The following FAT4 variants were observed in gnomAD, a reference collection of about 807,000 sequenced individuals.
FAT4 encodes FAT atypical cadherin 4.
A neutral mutation model predicts 303.9 loss-of-function variants in FAT4; 84 were observed. The observed-to-expected ratio is 0.28, with a 90% CI of 0.23 to 0.33. The LOEUF is 0.33. FAT4 is among the 10% of genes least tolerant of loss of function. FAT4 has a pLI of 1.00. For missense variants in FAT4, 6,005 were observed against 6,146.8 expected, an observed-to-expected ratio of 0.98 and a Z score of 0.77; for synonymous variants, 2,307 against 2,298.8, an observed-to-expected ratio of 1.00 and a Z score of -0.10.
Position 125,320,884 on chromosome 4 carries a change from C to T in FAT4, c.4473C>T (p.Leu1491=), listed in dbSNP as rs2125945130. 6.2e-7 allele frequency: 1 copy of T among 1,614,190 alleles called. No homozygotes were observed. The highest frequency in any genetic ancestry group is 8.5e-7 in the Non-Finnish European group (1 of 1,180,012). Reference sequence around the variant, plus strand: ...AAATAGATCGGGAATTTGCTAATCTCTTTGAGTTGACTGTAAAAGCCAATG... The same window carrying T: ...AAATAGATCGGGAATTTGCTAATCTTTTTGAGTTGACTGTAAAAGCCAATG... ...NAEIDREFAN[L]FELTVKANDQ... is the part of the protein sequence containing the mutation. Residue 1491 remains leucine (L), a synonymous_variant, in exon 2 of 18, where the codon CTC becomes CTT. Transcript: ENST00000394329.
chr4:125,356,390 A>G (rs1732423745), intron 2 of FAT4, among the ~76,000 whole-genome samples: 2 of 152,026 alleles, frequency 1.3e-5, no homozygotes, highest in South Asian at 2.1e-4. Flanking sequence ...ATGCAGATAT[A>G]TGAACTAATA....
intron 2 of FAT4, among the ~76,000 whole-genome samples, chr4:125,330,499 A>G (rs1414155665): frequency 6.6e-6 from 1 of 152,198 alleles, no homozygotes; most frequent in Non-Finnish European, 1.5e-5. Flanking sequence ...TATGAACACT[A>G]TATATGTATA....
At position 125,490,078 on chromosome 4, in the gene FAT4, G is replaced by C; in HGVS notation, c.13262G>C (p.Trp4421Ser). 6.2e-7 allele frequency: 1 copy of C among 1,614,002 alleles called. No homozygotes were observed. Among genetic ancestry groups the C allele is most frequent in the Non-Finnish European group, 8.5e-7 (1 of 1,180,002 alleles). Residue 4421 changes from tryptophan (W) to serine (S), a missense_variant, in exon 18 of 18, where the codon TGG becomes TCG. By Grantham distance (177) the Trp-to-Ser change is radical. Transcript: ENST00000394329. ...GGTGATTTGCTGTGCATTAATCAGT[G>C]GTATGCCTACAGGTGTGTCCCTCCT... The part of the protein sequence containing the change: ...CWGDLLCINQ[W>S]YAYRCVPPGD...
At chr4:125,345,109 A>G (rs1327523350) in intron 2 of FAT4, among the ~76,000 whole-genome samples, 1 of 152,060 alleles carries the variant, frequency 6.6e-6, no homozygotes, top group Non-Finnish European at 1.5e-5. Flanking sequence ...TTAAATTCCC[A>G]CAGTAGCTGC....
In FAT4 at chr4:125,408,769, G is replaced by T; in HGVS notation, c.5895G>T (p.Val1965=). Residue 1965 remains valine (V), a synonymous_variant, in exon 5 of 18, where the codon GTG becomes GTT. Coordinates refer to ENST00000394329, the MANE Select transcript of FAT4 (RefSeq NM_001291303.3). ...ENLPVGSTVL[V]FNVTDADDGI... ...TACCTGTGGGATCTACTGTTCTTGT[G>T]TTTAATGTTACTGATGCAGATGATG... 1 of 1,558,478 alleles carries T rather than the reference G, an allele frequency of 6.4e-7. No homozygotes were observed. Among genetic ancestry groups the T allele is most frequent in the African/African-American group, 1.4e-5 (1 of 72,830 alleles).
chr4:125,348,819 AATT>A (rs1732105346), intron 2 of FAT4, among the ~76,000 whole-genome samples: 1 of 151,760 alleles, frequency 6.6e-6, no homozygotes, highest in South Asian at 2.1e-4. Flanking sequence ...AATTTAGGAT[AATT>A]TATATTTTAG....
intron 8 of FAT4, chr4:125,446,060 T>C (rs1196415359): frequency 8.0e-6 from 3 of 375,512 alleles, no homozygotes; most frequent in African/African-American, 2.1e-5. Context: ...CTAAAAACCT[T>C]GTGAAGACTT....
chr4:125,481,285 G>A (rs1413181724), intron 15 of FAT4, among the ~76,000 whole-genome samples: 1 of 152,080 alleles, frequency 6.6e-6, no homozygotes, highest in Non-Finnish European at 1.5e-5. Flanking sequence ...TTCCCAAATG[G>A]TTAATGACTG....
intron 17 of FAT4, among the ~76,000 whole-genome samples, chr4:125,489,545 A>G (rs948357038): frequency 6.6e-6 from 1 of 152,168 alleles, no homozygotes; most frequent in African/African-American, 2.4e-5. Context: ...TTTTATTTGT[A>G]TGTATGCAAT....
At chr4:125,475,518 T>C (rs1167275155) in intron 12 of FAT4, among the ~76,000 whole-genome samples, 1 of 152,100 alleles carries the variant, frequency 6.6e-6, no homozygotes, top group Non-Finnish European at 1.5e-5. Flanking sequence ...TTAAATACTA[T>C]TGGGGATTTT....
At chr4:125,397,014 T>C (rs982330283) in intron 2 of FAT4, among the ~76,000 whole-genome samples, 56 of 150,406 alleles carry the variant, frequency 3.7e-4, no homozygotes, top group African/African-American at 1.2e-3. Flanking sequence ...ACATGAAAAC[T>C]CAGTGTACAT....
intron 3 of FAT4, among the ~76,000 whole-genome samples, chr4:125,402,795 T>C (rs909416257): frequency 3.3e-5 from 5 of 152,058 alleles, no homozygotes; most frequent in Admixed American, 2.0e-4. Context: ...ACCTTCTTCC[T>C]AATATTCTCA....
chr4:125,407,950 T>C (rs1015460982), intron 4 of FAT4, among the ~76,000 whole-genome samples: 2 of 152,122 alleles, frequency 1.3e-5, no homozygotes, highest in African/African-American at 2.4e-5. Flanking sequence ...TACCTGAAGT[T>C]TTTTCTTCAC....
Position 125,449,142 on chromosome 4 carries a change from A to C in FAT4, c.8132A>C (p.Asn2711Thr). 6.2e-7 allele frequency: 1 copy of C among 1,614,018 alleles called. No individual in the cohort carries two copies. The highest frequency in any genetic ancestry group is 1.1e-5 in the South Asian group (1 of 91,086). ...PNGQLDYEIV[N>T]GNMENSFSIN... ...GGACAGTTAGATTATGAAATTGTTA[A>C]TGGCAACATGGAAAATAGTTTCAGT... The change falls in exon 10 of 18, where the codon AAT becomes ACT. Residue 2711 changes from asparagine to threonine, a missense_variant. Physicochemically the swap from Asn to Thr is moderately conservative, Grantham distance 65. Coordinates refer to ENST00000394329, the MANE Select transcript of FAT4 (RefSeq NM_001291303.3).
intron 2 of FAT4, among the ~76,000 whole-genome samples, chr4:125,371,604 C>G (rs1020995622): frequency 1.1e-4 from 17 of 151,854 alleles, no homozygotes; most frequent in African/African-American, 3.6e-4. Context: ...CTAGTAATTT[C>G]TAGACCTTGC....
intron 2 of FAT4, among the ~76,000 whole-genome samples, chr4:125,326,448 G>A (rs979814347): frequency 6.6e-6 from 1 of 151,996 alleles, no homozygotes; most frequent in Non-Finnish European, 1.5e-5. Context: ...TAAGTGCATA[G>A]TGATAAGTGC....
chr4:125,476,142 G>A, intron 12 of FAT4, 29 bp from the exon 13 acceptor site: 1 of 1,468,966 alleles, frequency 6.8e-7, no homozygotes, highest in Non-Finnish European at 9.5e-7. Flanking sequence ...AGAACTCAAA[G>A]TTGAATGTTT....
In FAT4 at chr4:125,468,668, C is replaced by G. The variant is rs927920472; in HGVS notation, c.12062C>G (p.Thr4021Arg). ...ALLLYNYDNQ[T>R]GDRAEFLALE... The stretch of plus-strand genomic sequence containing the variant: ...TTGCTTTACAACTATGACAACCAGA[C>G]AGGCGACCGGGCTGAGTTTTTGGCC... The change falls in exon 12 of 18, where the codon ACA becomes AGA. Residue 4021 changes from threonine (T) to arginine (R), a missense_variant. Physicochemically the swap from Thr to Arg is moderately conservative, Grantham distance 71 (BLOSUM62 -1). Transcript: ENST00000394329. 1 of 1,614,102 alleles carries G rather than the reference C, an allele frequency of 6.2e-7. No individual in the cohort carries two copies. The highest frequency in any genetic ancestry group is 1.6e-4 in the Middle Eastern group (1 of 6,062).
intron 11 of FAT4, 103 bp from the exon 12 acceptor site, chr4:125,468,409 G>T: frequency 1.2e-6 from 1 of 843,322 alleles, no homozygotes; most frequent in Non-Finnish European, 1.6e-6. Context: ...AAAAAAAGTT[G>T]TTAAAAGATA....
Sources: allele counts gnomAD v4.1 joint callset (sites outside exome capture counted in the v4.1 genomes callset), GRCh38; gene constraint gnomAD v4.1.1; transcripts MANE v1.5; gene names NCBI Gene and HGNC (gene_info 2026-07-23, HGNC 2026-07-21).